RADIL: variants seen among roughly 807,000 people sequenced by gnomAD.
The protein encoded by RADIL is Rap associating with DIL domain, also known as ras-associating and dilute domain-containing protein.
A neutral mutation model predicts 97.6 loss-of-function variants in RADIL; 99 were observed. That is an observed-to-expected ratio of 1.01 (90% CI 0.86 to 1.20). The LOEUF (loss-of-function observed/expected upper bound fraction) is 1.20, where lower values mean the gene tolerates loss of function less well. RADIL is among the 50% of genes most tolerant of loss of function. The pLI, the probability that RADIL is intolerant of heterozygous loss-of-function variation, is 0.00. For synonymous variants in RADIL, 803 were observed against 691.8 expected (o/e 1.16, Z -2.52); for missense variants, 1,765 against 1,498.9 (o/e 1.18, Z -2.93).
rs763990714 is a variant in RADIL at position 4,832,161 on chromosome 7, T to C, written c.1434A>G (p.Leu478=). ...CTCACAGTTGCGCCTGCTTCTCTGC[T>C]AGTTCTTTGGTTTTCTCCTACAATT... ...RETVWEKTKE[L]AEKQAQLQEP... is the part of the protein sequence containing the mutation. The change falls in exon 5 of 15, where the codon CTA becomes CTG. Residue 478 remains leucine, a synonymous_variant. Coordinates refer to ENST00000399583, the MANE Select transcript of RADIL (RefSeq NM_018059.5). 1 of 1,611,802 alleles carries C rather than the reference T, an allele frequency of 6.2e-7. No individual in the cohort carries two copies. Among genetic ancestry groups the C allele is most frequent in the Admixed American group, 1.7e-5 (1 of 59,776 alleles).
chr7:4,869,423 A>G (rs1784203633), intron 2 of RADIL, among the ~76,000 whole-genome samples: 2 of 152,142 alleles, frequency 1.3e-5, no homozygotes, highest in Non-Finnish European at 2.9e-5. Flanking sequence ...GTGAGCCACA[A>G]TGCCCAACCA....
Position 4,819,141 on chromosome 7 carries a change from A to G in RADIL, c.1616-1790T>C, listed in dbSNP as rs1166530842. Among the ~76,000 whole-genome samples, 21 of 148,578 alleles carry G rather than the reference A, an allele frequency of 1.4e-4. No individual in the cohort carries two copies. The highest frequency in any genetic ancestry group is 1.3e-3 in the Admixed American group (19 of 14,804). ...GGCTGGAGTGCAATGACACAATCCC[A>G]GCTCACTGCAGCCTCAGCTTTCCAG... On this transcript the variant is annotated intron_variant, in intron 6 of 14. Transcript: ENST00000399583. The surrounding 1 kb of genome is among the most constrained non-coding windows in gnomAD (Gnocchi z 5.8).
chr7:4,866,462 AT>A (rs200007644), intron 2 of RADIL, among the ~76,000 whole-genome samples: 11 of 150,954 alleles, frequency 7.3e-5, no homozygotes, highest in African/African-American at 2.4e-4. Flanking sequence ...AACAAAAAAA[AT>A]ATTTCTCATC....
intron 2 of RADIL, chr7:4,861,834 G>GCACGTCCCCCACCACCGCTACCTT: frequency 1.6e-6 from 2 of 1,268,420 alleles, no homozygotes; most frequent in South Asian, 2.1e-5. Flanking sequence ...CCCCGCCAGG[G>GCACGTCCCCCACCACCGCTACCTT]CACGTCCCCC....
rs1170050410 is a variant in RADIL, at chr7:4,880,479, TCA to T, written c.-64-2278_-64-2277del. Among the ~76,000 whole-genome samples, 1 of 152,156 alleles carries T rather than the reference TCA, an allele frequency of 6.6e-6. No individual in the cohort carries two copies. Among genetic ancestry groups the T allele is most frequent in the African/African-American group, 2.4e-5 (1 of 41,438 alleles). On this transcript the variant is annotated intron_variant, in intron 1 of 14. Coordinates refer to ENST00000399583, the MANE Select transcript of RADIL (RefSeq NM_018059.5). This position sits in a 1 kb window ranked among gnomAD's most constrained non-coding sequence, Gnocchi z 4.5. The stretch of plus-strand genomic sequence containing the variant: ...CAGTTTTCAAAGTGAGTACTTGGAA[TCA>T]CAGAACAAAACCCCTCAAAGAGCCT...
intron 5 of RADIL, among the ~76,000 whole-genome samples, chr7:4,823,655 C>A (rs1043794770): frequency 2.0e-5 from 3 of 152,210 alleles, no homozygotes; most frequent in Non-Finnish European, 4.4e-5. Context: ...TGCCTCCTCC[C>A]TCAGCGGCAG....
Position 4,829,820 on chromosome 7 carries a change from A to G in RADIL, c.1454+2321T>C, listed in dbSNP as rs551499685. Among the ~76,000 whole-genome samples the G allele has an allele frequency of 4.6e-5, 7 of 152,016 alleles. No individual in the cohort carries two copies. The South Asian group carries it at 1.3e-3, about 27-fold the overall frequency. On this transcript the variant is annotated intron_variant, in intron 5 of 14. Transcript: ENST00000399583. ...TGTTCCTCCTTTGCCTTCTGCCATG[A>G]TTGTGAGGCCTCCCCAGTCACGTGG...
At chr7:4,804,889 G>A (rs1782243076) in intron 10 of RADIL, among the ~76,000 whole-genome samples, 1 of 151,650 alleles carries the variant, frequency 6.6e-6, no homozygotes, top group Admixed American at 6.6e-5. Context: ...TAGGTCAGGA[G>A]TTCGAGACCA....
At position 4,801,284 on chromosome 7, in the gene RADIL, G is replaced by A. The variant is rs552658435; in HGVS notation, c.2842+369C>T. Among the ~76,000 whole-genome samples the A allele has an allele frequency of 1.8e-4, 28 of 152,312 alleles. 1 individual carries two copies. Among genetic ancestry groups the A allele is most frequent in the Admixed American group, 2.6e-4 (4 of 15,294 alleles). ...GGCACACACAGGCCCTGCCCTGGAG[G>A]ACTCCAGCTCCACCTTCTCCCTGAA... On this transcript the variant is annotated intron_variant, in intron 12 of 14. Transcript: ENST00000399583.
chr7:4,870,850 A>C (rs2115044869), intron 2 of RADIL, among the ~76,000 whole-genome samples: 1 of 152,256 alleles, frequency 6.6e-6, no homozygotes, highest in African/African-American at 2.4e-5. Flanking sequence ...GCTGGACGTC[A>C]CCCGAGTCCC....
At chr7:4,836,629 G>A (rs1288218458) in intron 2 of RADIL, 24 bp from the exon 3 acceptor site, 2 of 1,603,596 alleles carry the variant, frequency 1.2e-6, no homozygotes, top group Non-Finnish European at 1.7e-6. Context: ...AACACAAGGT[G>A]AACAGTTAGA....
chr7:4,856,369 CA>C (rs975084033), intron 2 of RADIL, among the ~76,000 whole-genome samples: 1 of 152,238 alleles, frequency 6.6e-6, no homozygotes, highest in African/African-American at 2.4e-5. Flanking sequence ...CTCGACCTCC[CA>C]AAGTGCTGGG....
At position 4,835,008 on chromosome 7, in the gene RADIL, G is replaced by A; in HGVS notation, c.1015C>T (p.Leu339=). 6.2e-7 allele frequency: 1 copy of A among 1,611,420 alleles called. No homozygotes were observed. Among genetic ancestry groups the A allele is most frequent in the South Asian group, 1.1e-5 (1 of 90,838 alleles). The change falls in exon 4 of 15, where the codon CTG becomes TTG. Residue 339 remains leucine (L), a synonymous_variant. Transcript: ENST00000399583. The surrounding 1 kb of genome is among the most constrained non-coding windows in gnomAD (Gnocchi z 5.8). ...AGGGAGAGCAGGTCCCCGTGGTGCA[G>A]CACCACGGTCCTGTGCCCCACCTCG... ...FSEVGHRTVV[L]HHGDLLSLGL...
intron 5 of RADIL, among the ~76,000 whole-genome samples, chr7:4,828,715 G>A (rs1783062026): frequency 6.6e-6 from 1 of 152,208 alleles, no homozygotes; most frequent in African/African-American, 2.4e-5. Flanking sequence ...CTGTGTTTTG[G>A]AAGTGATTCA....
At chr7:4,810,524 C>T (rs1281295530) in intron 9 of RADIL, among the ~76,000 whole-genome samples, 1 of 152,194 alleles carries the variant, frequency 6.6e-6, no homozygotes, top group African/African-American at 2.4e-5. Context: ...ACTGAAGAGA[C>T]TGCTTTATTC....
intron 2 of RADIL, chr7:4,861,578 C>G (rs1473592297): frequency 1.9e-6 from 3 of 1,613,658 alleles, no homozygotes; most frequent in Admixed American, 3.3e-5. Context: ...ACTGATTTCG[C>G]GTATCCATTC....
chr7:4,816,452 C>T lies in RADIL; in HGVS notation c.1742G>A (p.Cys581Tyr). The change falls in exon 8 of 15, where the codon TGC (cysteine) becomes TAC (tyrosine). Residue 581 changes from cysteine to tyrosine, a missense_variant. Cys to Tyr is a radical substitution (Grantham distance 194). Transcript: ENST00000399583. ...VYYVSKSLYICLPALLECPPF... is the reference protein window; with the variant it reads ...VYYVSKSLYIYLPALLECPPF... ...CGGGCACTCCAGGAGTGCCGGGAGG[C>T]AGATGTACAGGGACTGGCGGGGGCA... is the stretch of plus-strand genomic sequence containing the variant. 1 of 1,606,936 alleles carries T rather than the reference C, an allele frequency of 6.2e-7. No individual in the cohort carries two copies. The highest frequency in any genetic ancestry group is 1.3e-5 in the African/African-American group (1 of 74,922).
At chr7:4,871,924 T>A (rs1295201546) in intron 2 of RADIL, among the ~76,000 whole-genome samples, 1 of 152,024 alleles carries the variant, frequency 6.6e-6, no homozygotes, top group Non-Finnish European at 1.5e-5. Flanking sequence ...CTTTACAAAC[T>A]CTCTAGGGTG....
intron 9 of RADIL, among the ~76,000 whole-genome samples, chr7:4,810,481 G>A (rs1228480111): frequency 6.6e-6 from 1 of 152,198 alleles, no homozygotes; most frequent in Non-Finnish European, 1.5e-5. Flanking sequence ...GAACGAGTTT[G>A]CTCAGTCACG....
Sources: gnomAD v4.1 joint callset for allele counts (sites outside exome capture counted in the v4.1 genomes callset) on GRCh38, gnomAD v4.1.1 for gene constraint, Gnocchi (gnomAD v3.1) non-coding constraint, MANE v1.5 for transcripts, NCBI Gene and HGNC (gene_info 2026-07-23, HGNC 2026-07-21) for gene names.